TJP1: variants seen among roughly 807,000 people sequenced by gnomAD.
The protein encoded by TJP1 is tight junction protein ZO-1.
Under a neutral mutation model 194.2 loss-of-function variants are expected in TJP1, and 43 were observed. The observed-to-expected ratio is 0.22, with a 90% CI of 0.17 to 0.29. The LOEUF (loss-of-function observed/expected upper bound fraction) is 0.29, where lower values mean the gene tolerates loss of function less well. Ranked by LOEUF, TJP1 falls within the 10% of genes least tolerant of loss-of-function variation. TJP1 has a pLI of 1.00. For synonymous variants in TJP1, 801 were observed against 779.0 expected (o/e 1.03, Z -0.47); for missense variants, 1,971 against 2,185.7 (o/e 0.90, Z 1.96).
At chr15:29,871,758 C>T (rs554110944) in intron 2 of TJP1, among the ~76,000 whole-genome samples, 1 of 152,354 alleles carries the variant, frequency 6.6e-6, no homozygotes, top group African/African-American at 2.4e-5. Context: ...GAACTGCCCA[C>T]TCACAGAACC....
chr15:29,706,572 G>A (rs1213261670), intron 25 of TJP1, among the ~76,000 whole-genome samples: 1 of 152,156 alleles, frequency 6.6e-6, no homozygotes, highest in Non-Finnish European at 1.5e-5. Context: ...TACTAAACAG[G>A]TACAGAGTTT....
intron 1 of TJP1, among the ~76,000 whole-genome samples, chr15:29,964,699 G>A (rs2152325447): frequency 6.6e-6 from 1 of 152,252 alleles, no homozygotes; most frequent in Non-Finnish European, 1.5e-5. Flanking sequence ...TCTTTTCATC[G>A]CTGGCAATTC....
At chr15:29,702,151 G>C (rs1321395218) in intron 27 of TJP1, among the ~76,000 whole-genome samples, 1 of 151,714 alleles carries the variant, frequency 6.6e-6, no homozygotes, top group Non-Finnish European at 1.5e-5. Context: ...ACCTATTTGA[G>C]CTGAGAATGA....
intron 2 of TJP1, among the ~76,000 whole-genome samples, chr15:29,943,585 C>T (rs532348420): frequency 5.4e-4 from 74 of 136,252 alleles, no homozygotes; most frequent in Non-Finnish European, 8.8e-4. Context: ...TGAGATTGTG[C>T]CACTGCATTC....
chr15:29,743,631 G>A (rs1055334237), intron 8 of TJP1, among the ~76,000 whole-genome samples: 1 of 152,160 alleles, frequency 6.6e-6, no homozygotes, highest in African/African-American at 2.4e-5. Flanking sequence ...AGTGGCTGAG[G>A]TGGGAGAATT....
intron 2 of TJP1, among the ~76,000 whole-genome samples, chr15:29,905,719 T>C (rs1029509885): frequency 2.0e-5 from 3 of 152,126 alleles, no homozygotes; most frequent in Admixed American, 6.5e-5. Flanking sequence ...ACAAAAAACA[T>C]GGAGGAAAAT....
chr15:29,770,472 G>A (rs2046589978), intron 4 of TJP1, among the ~76,000 whole-genome samples: 2 of 151,358 alleles, frequency 1.3e-5, no homozygotes, highest in African/African-American at 4.9e-5. Flanking sequence ...TTGGGAGGCC[G>A]AGGCGGGGCG....
At position 29,766,248 on chromosome 15, in the gene TJP1, A is replaced by G; in HGVS notation, c.589+18T>C. Reference sequence around the variant, plus strand: ...AAATTTTCATGTGAAAAAAACAGCAAGAGTTGGCAGAGAATACCTTCATTT... The same window carrying G: ...AAATTTTCATGTGAAAAAAACAGCAGGAGTTGGCAGAGAATACCTTCATTT... On this transcript the variant is annotated intron_variant, in intron 5 of 27. Transcript: ENST00000614355. 6.3e-7 allele frequency: 1 copy of G among 1,595,638 alleles called. No homozygotes were observed. The highest frequency in any genetic ancestry group is 8.5e-7 in the Non-Finnish European group (1 of 1,172,542).
chr15:29,840,943 G>GAT (rs1299631567), intron 2 of TJP1, among the ~76,000 whole-genome samples: 1 of 152,172 alleles, frequency 6.6e-6, no homozygotes, highest in African/African-American at 2.4e-5. Flanking sequence ...TTTCCTAGGA[G>GAT]ATAGCACTGT....
At chr15:29,829,106 T>C (rs557750198) in intron 2 of TJP1, among the ~76,000 whole-genome samples, 4 of 152,264 alleles carry the variant, frequency 2.6e-5, no homozygotes, top group Non-Finnish European at 5.9e-5. Flanking sequence ...TAAGTACAAT[T>C]TGTTTCAGAA....
chr15:29,948,755 T>C (rs931879607), intron 2 of TJP1, among the ~76,000 whole-genome samples: 15 of 152,062 alleles, frequency 9.9e-5, no homozygotes, highest in Admixed American at 8.5e-4. Context: ...GAACTTCTAG[T>C]ATATAACTTA....
At position 29,734,355 on chromosome 15, in the gene TJP1, T is replaced by C. The variant is rs746419821; in HGVS notation, c.1435A>G (p.Ile479Val). 6 of 1,613,100 alleles carry C rather than the reference T, an allele frequency of 3.7e-6. No homozygotes were observed. Among genetic ancestry groups the C allele is most frequent in the East Asian group, 2.2e-5 (1 of 44,806 alleles). The change falls in exon 12 of 28, where the codon ATA (isoleucine) becomes GTA (valine). Residue 479 changes from isoleucine (I) to valine (V), a missense_variant. Physicochemically the swap from Ile to Val is conservative, Grantham distance 29. Around this residue, in one of 5 missense-constraint regions of TJP1, gnomAD observed 402 missense variants for 484.2 expected, o/e 0.83. Transcript: ENST00000614355. Reference protein sequence around the residue: ...RVNNVDFTNIIREEAVLFLLD... With the variant: ...RVNNVDFTNIVREEAVLFLLD... ...AGGAAAAGGACGGCTTCTTCTCTTA[T>C]GATATTTGTAAAATCTACGTTGTTT...
chr15:29,968,259 ACAC>A, intron 1 of TJP1: 2 of 985,188 alleles, frequency 2.0e-6, no homozygotes, highest in Non-Finnish European at 2.4e-6. Flanking sequence ...CTGAAAACGC[ACAC>A]CGTGATACCA....
intron 2 of TJP1, among the ~76,000 whole-genome samples, chr15:29,910,632 TAAC>T (rs2053982579): frequency 6.6e-6 from 1 of 152,246 alleles, no homozygotes. Flanking sequence ...GGTTTAGCTC[TAAC>T]AACTGCACTA....
chr15:29,855,600 A>T (rs548768457), intron 2 of TJP1, among the ~76,000 whole-genome samples: 9 of 152,280 alleles, frequency 5.9e-5, no homozygotes, highest in Admixed American at 4.6e-4. Flanking sequence ...TCACACCTGT[A>T]ATCCCAGCAC....
At chr15:29,811,772 G>A (rs532113673) in intron 1 of TJP1, among the ~76,000 whole-genome samples, 1 of 152,164 alleles carries the variant, frequency 6.6e-6, no homozygotes, top group African/African-American at 2.4e-5. Context: ...TCTTTGTCCA[G>A]AAATAAATAA....
intron 26 of TJP1, among the ~76,000 whole-genome samples, chr15:29,704,679 G>A (rs756825098): frequency 6.6e-6 from 1 of 152,166 alleles, no homozygotes; most frequent in Non-Finnish European, 1.5e-5. Context: ...AGCTAGCCAC[G>A]TGCAGGCAGT....
intron 2 of TJP1, among the ~76,000 whole-genome samples, chr15:29,907,235 C>G (rs1486409010): frequency 6.6e-6 from 1 of 151,936 alleles, no homozygotes; most frequent in Non-Finnish European, 1.5e-5. Flanking sequence ...CAGTGAAACC[C>G]CATCTCCACT....
intron 2 of TJP1, among the ~76,000 whole-genome samples, chr15:29,866,530 T>C (rs2052308161): frequency 6.6e-6 from 1 of 152,224 alleles, no homozygotes; most frequent in African/African-American, 2.4e-5. Flanking sequence ...TTCATTTTAT[T>C]ATGTGAACTC....
Sources: allele counts gnomAD v4.1 joint callset (sites outside exome capture counted in the v4.1 genomes callset), GRCh38; gene constraint gnomAD v4.1.1; regional missense constraint gnomAD v4.1.1; transcripts MANE v1.5; gene names NCBI Gene and HGNC (gene_info 2026-07-23, HGNC 2026-07-21).